The following RBFOX1 variants were observed in gnomAD, a reference collection of about 807,000 sequenced individuals.
RBFOX1 encodes RNA binding fox-1 homolog 1, also known as RNA binding protein fox-1 homolog 1.
Under a neutral mutation model 57.7 loss-of-function variants are expected in RBFOX1, and 8 were observed. The observed-to-expected ratio is 0.14, with a 90% confidence interval of 0.08 to 0.25. RBFOX1 has a LOEUF of 0.25. Among genes scored for constraint, RBFOX1 ranks in the 10% least tolerant of loss-of-function variants. The pLI is 1.00. For synonymous variants in RBFOX1, 326 were observed against 222.4 expected, an observed-to-expected ratio of 1.47 and a Z score of -4.15; for missense variants, 611 against 548.5, an observed-to-expected ratio of 1.11 and a Z score of -1.14.
At position 7,461,162 on chromosome 16, in the gene RBFOX1, C is replaced by G. The variant is rs191221305; in HGVS notation, c.28-56985C>G. Reference sequence around the variant, plus strand: ...TAAGAATTGACTGAGGATGAAAAAACAAAGGCAAAACAATTTTTTTTTTTT... The same window carrying G: ...TAAGAATTGACTGAGGATGAAAAAAGAAAGGCAAAACAATTTTTTTTTTTT... On this transcript the variant is annotated intron_variant, in intron 4 of 15. Coordinates refer to ENST00000550418, the MANE Select transcript of RBFOX1 (RefSeq NM_018723.4). Among the ~76,000 whole-genome samples the G allele has an allele frequency of 3.3e-5, 5 of 151,370 alleles. No homozygotes were observed. The East Asian group carries it at 1.0e-3, about 31-fold the overall frequency.
chr16:7,689,508 T>G (rs56162923), intron 14 of RBFOX1, among the ~76,000 whole-genome samples: 1 of 151,984 alleles, frequency 6.6e-6, no homozygotes, highest in Non-Finnish European at 1.5e-5. Context: ...TGAGTTCTTA[T>G]TAAGTGTATA....
At chr16:6,082,946 G>C (rs2152512040) in intron 1 of RBFOX1, among the ~76,000 whole-genome samples, 1 of 152,218 alleles carries the variant, frequency 6.6e-6, no homozygotes, top group South Asian at 2.1e-4. Context: ...GCTCTCAAGA[G>C]GGTCGTGCTG....
At chr16:7,417,109 C>G (rs746966350) in intron 4 of RBFOX1, among the ~76,000 whole-genome samples, 1 of 152,036 alleles carries the variant, frequency 6.6e-6, no homozygotes, top group Non-Finnish European at 1.5e-5. Flanking sequence ...GTGGCTCACA[C>G]CTGTAATCCC....
chr16:7,636,107 G>A (rs548239841), intron 11 of RBFOX1, among the ~76,000 whole-genome samples: 2 of 152,224 alleles, frequency 1.3e-5, no homozygotes, highest in African/African-American at 2.4e-5. Flanking sequence ...ACTGCGCCCA[G>A]CCCAAGCTAC....
At chr16:5,775,453 A>G (rs1022460220) in intron 3 of RBFOX1, among the ~76,000 whole-genome samples, 1 of 152,240 alleles carries the variant, frequency 6.6e-6, no homozygotes, top group Middle Eastern at 3.2e-3. Flanking sequence ...GGCAGGGGAA[A>G]GTAACACGGT....
At chr16:5,821,122 T>C (rs1312276880) in intron 3 of RBFOX1, among the ~76,000 whole-genome samples, 1 of 152,070 alleles carries the variant, frequency 6.6e-6, no homozygotes, top group East Asian at 1.9e-4. Context: ...AACTCATTGC[T>C]CAGGCAGGAC....
intron 1 of RBFOX1, among the ~76,000 whole-genome samples, chr16:5,455,021 T>TTCTTTCTTTCTC (rs1317448150): frequency 1.9e-4 from 21 of 113,168 alleles, no homozygotes; most frequent in East Asian, 5.5e-4. Context: ...CTTTCTTTCT[T>TTCTTTCTTTCTC]TCTCTCTCTC....
chr16:7,403,563 C>G, intron 4 of RBFOX1, among the ~76,000 whole-genome samples: 1 of 8,346 alleles, frequency 1.2e-4, no homozygotes, highest in Non-Finnish European at 4.1e-4. Flanking sequence ...ATGAGAGAAT[C>G]CCCCCCCCCC....
intron 4 of RBFOX1, among the ~76,000 whole-genome samples, chr16:7,430,685 C>T (rs1376236596): frequency 1.3e-5 from 2 of 151,808 alleles, no homozygotes; most frequent in African/African-American, 4.8e-5. Flanking sequence ...AGTACCCACC[C>T]ATTCTGTGTT....
At chr16:6,348,356 G>A (rs1599901461) in intron 2 of RBFOX1, among the ~76,000 whole-genome samples, 1 of 152,148 alleles carries the variant, frequency 6.6e-6, no homozygotes, top group African/African-American at 2.4e-5. Context: ...AATTGAATGA[G>A]ATACTTCAGT....
At chr16:6,733,155 A>G (rs2069114233) in intron 3 of RBFOX1, among the ~76,000 whole-genome samples, 1 of 152,216 alleles carries the variant, frequency 6.6e-6, no homozygotes, top group Admixed American at 6.5e-5. Context: ...AATAATGAGA[A>G]CAGCCAACCC....
At chr16:6,963,823 C>A (rs1053338270) in intron 3 of RBFOX1, among the ~76,000 whole-genome samples, 7 of 151,332 alleles carry the variant, frequency 4.6e-5, no homozygotes, top group African/African-American at 1.7e-4. Flanking sequence ...CTCAGCCTCT[C>A]GAGTAGCTGG....
intron 1 of RBFOX1, among the ~76,000 whole-genome samples, chr16:6,270,725 G>A (rs1567819313): frequency 1.3e-5 from 2 of 152,134 alleles, no homozygotes; most frequent in Admixed American, 6.5e-5. Flanking sequence ...CCATCAACGA[G>A]GACTAATCAA....
chr16:7,044,898 A>T (rs1017512304), intron 3 of RBFOX1, among the ~76,000 whole-genome samples: 7 of 152,130 alleles, frequency 4.6e-5, no homozygotes, highest in African/African-American at 1.7e-4. Flanking sequence ...GTTATGGAGA[A>T]AATTTTTTAA....
At chr16:6,255,161 C>A (rs958102918) in intron 1 of RBFOX1, among the ~76,000 whole-genome samples, 2 of 152,094 alleles carry the variant, frequency 1.3e-5, no homozygotes, top group Admixed American at 1.3e-4. Flanking sequence ...TGGTGAGAAC[C>A]TGGAAACATT....
chr16:7,034,576 T>G (rs1376860949), intron 3 of RBFOX1, among the ~76,000 whole-genome samples: 1 of 152,044 alleles, frequency 6.6e-6, no homozygotes, highest in Admixed American at 6.5e-5. Flanking sequence ...AAATTTTAAC[T>G]TCTGTGAAAT....
At chr16:6,268,363 G>C (rs1195542936) in intron 1 of RBFOX1, among the ~76,000 whole-genome samples, 1 of 152,074 alleles carries the variant, frequency 6.6e-6, no homozygotes, top group Non-Finnish European at 1.5e-5. Flanking sequence ...TTCCAGGACA[G>C]TGCTCAGACC....
Position 5,953,936 on chromosome 16 carries a change from T to C in RBFOX1, c.351+86601T>C, listed in dbSNP as rs73516274. On this transcript the variant is annotated intron_variant, in intron 4 of 19. Transcript: ENST00000641259. Reference sequence around the variant, plus strand: ...TTCAAATTTAACTGGGCCACCTGTGTTTCTGTTGCCAACCGTGGTACCCAT... The same window carrying C: ...TTCAAATTTAACTGGGCCACCTGTGCTTCTGTTGCCAACCGTGGTACCCAT... Among the ~76,000 whole-genome samples, 379 of 152,278 alleles carry C rather than the reference T, an allele frequency of 2.5e-3. 3 individuals carry two copies. Among genetic ancestry groups the C allele is most frequent in the African/African-American group, 8.6e-3 (356 of 41,568 alleles).
chr16:7,174,597 G>A (rs2081302088), intron 4 of RBFOX1, among the ~76,000 whole-genome samples: 1 of 152,190 alleles, frequency 6.6e-6, no homozygotes, highest in South Asian at 2.1e-4. Flanking sequence ...CCTGGTGTAG[G>A]TGGTGAAACC....
Sources: gnomAD v4.1 joint callset for allele counts (sites outside exome capture counted in the v4.1 genomes callset) on GRCh38, gnomAD v4.1.1 for gene constraint, MANE v1.5 for transcripts, NCBI Gene and HGNC (gene_info 2026-07-23, HGNC 2026-07-21) for gene names.